The following FLYWCH1 variants were observed in gnomAD, a reference collection of about 807,000 sequenced individuals.
The protein encoded by FLYWCH1 is FLYWCH-type zinc finger 1.
In FLYWCH1, 75 loss-of-function variants were observed where a neutral mutation model predicts 66.4. The observed-to-expected ratio is 1.13, with a 90% CI of 0.94 to 1.37. The LOEUF is 1.37. FLYWCH1 is among the 40% of genes most tolerant of loss of function. The pLI is 0.00. For missense variants in FLYWCH1, 1,334 were observed against 1,001.8 expected, an observed-to-expected ratio of 1.33 and a Z score of -4.48; for synonymous variants, 595 against 429.9, an observed-to-expected ratio of 1.38 and a Z score of -4.75.
chr16:2,917,970 T>C (rs1223178190), intron 2 of FLYWCH1, among the ~76,000 whole-genome samples: 3 of 151,822 alleles, frequency 2.0e-5, no homozygotes, highest in Non-Finnish European at 2.9e-5. Context: ...CCTGAGTAGC[T>C]GGGATTACAG....
At chr16:2,924,340 A>G (rs190971543) in intron 2 of FLYWCH1, among the ~76,000 whole-genome samples, 1 of 151,978 alleles carries the variant, frequency 6.6e-6, no homozygotes. Context: ...CAAAAAAAAA[A>G]AAAAAGTAAA....
Position 2,949,959 on chromosome 16 carries a change from C to G in FLYWCH1, c.*1232C>G, listed in dbSNP as rs1037293852. ...TTACAGTCACCTGGCCCAGACGTAACCTGGACCAAGAGTGGACGGAGACAC... is the reference window on the plus strand; with the variant it reads ...TTACAGTCACCTGGCCCAGACGTAAGCTGGACCAAGAGTGGACGGAGACAC... On this transcript the variant is annotated 3_prime_UTR_variant, in exon 10 of 10. Coordinates refer to ENST00000253928, the MANE Select transcript of FLYWCH1 (RefSeq NM_001308068.2). 5 of 152,222 alleles carry G rather than the reference C, an allele frequency of 3.3e-5. No individual in the cohort carries two copies. Among genetic ancestry groups the G allele is most frequent in the Non-Finnish European group, 7.3e-5 (5 of 68,082 alleles). The allele number at this position is 152,222 out of a possible 1,614,324, so 9.4% of individuals were successfully genotyped here. A position where few individuals can be genotyped will look rare whatever the true frequency, so the allele number is the denominator to read the frequency against.
intron 4 of FLYWCH1, among the ~76,000 whole-genome samples, chr16:2,931,679 A>G (rs1311436635): frequency 6.6e-6 from 1 of 151,976 alleles, no homozygotes; most frequent in Non-Finnish European, 1.5e-5. Context: ...AGTTCAGGAA[A>G]GACACCTAGG....
At chr16:2,920,502 A>G (rs1596356834) in intron 2 of FLYWCH1, among the ~76,000 whole-genome samples, 1 of 140,154 alleles carries the variant, frequency 7.1e-6, no homozygotes, top group African/African-American at 2.7e-5. Flanking sequence ...TGGCCGTGAG[A>G]CTCTGTCTTA....
chr16:2,917,027 G>A (rs1339597374), intron 2 of FLYWCH1, among the ~76,000 whole-genome samples: 17 of 150,284 alleles, frequency 1.1e-4, no homozygotes, highest in East Asian at 4.0e-4. Context: ...GTGGTAGCGC[G>A]CACCTGTAAT....
chr16:2,941,002 A>G (rs1014227573), intron 9 of FLYWCH1, among the ~76,000 whole-genome samples: 1 of 152,212 alleles, frequency 6.6e-6, no homozygotes, highest in Non-Finnish European at 1.5e-5. Context: ...ATGGTGGTAC[A>G]TGCATGTAAT....
chr16:2,933,061 C>G (rs2070827413), intron 4 of FLYWCH1, 69 bp from the exon 5 acceptor site: 12 of 1,387,684 alleles, frequency 8.6e-6, no homozygotes, highest in Non-Finnish European at 1.1e-5. Flanking sequence ...CCCCCACAGT[C>G]TGCAGGGGCT....
At chr16:2,923,391 C>T (rs1344772417) in intron 2 of FLYWCH1, among the ~76,000 whole-genome samples, 1 of 152,284 alleles carries the variant, frequency 6.6e-6, no homozygotes, top group South Asian at 2.1e-4. Flanking sequence ...GGATTACAGG[C>T]GTCCGCCACC....
chr16:2,947,247 G>A (rs564660276), intron 9 of FLYWCH1, among the ~76,000 whole-genome samples: 1 of 152,312 alleles, frequency 6.6e-6, no homozygotes, highest in Non-Finnish European at 1.5e-5. Context: ...ATGTAATTCT[G>A]TTCTTACGAA....
chr16:2,911,957 A>T lies in FLYWCH1; in HGVS notation c.-385A>T, dbSNP rs898420463. 1 of 150,064 alleles carries T rather than the reference A, an allele frequency of 6.7e-6. No homozygotes were observed. The highest frequency in any genetic ancestry group is 1.5e-5 in the Non-Finnish European group (1 of 67,268). 9.3% of individuals were successfully genotyped at this position (150,064 alleles called of 1,614,324 possible). A position where few individuals can be genotyped will look rare whatever the true frequency, so the allele number is the denominator to read the frequency against. On this transcript the variant is annotated 5_prime_UTR_variant, in exon 1 of 10. It adds an upstream start codon to the 5' untranslated region. Coordinates refer to ENST00000253928, the MANE Select transcript of FLYWCH1 (RefSeq NM_001308068.2). Reference sequence around the variant, plus strand: ...AAGTAGCGCGCCTGAGCGTTCCGCAAGGCCGGCTCCCCGGCGGGGTCGCGC... The same window carrying T: ...AAGTAGCGCGCCTGAGCGTTCCGCATGGCCGGCTCCCCGGCGGGGTCGCGC...
rs759073805 is a variant in FLYWCH1, at chr16:2,934,615, G to C, written c.1513+636G>C. The stretch of plus-strand genomic sequence containing the variant: ...ACCTGCTCTTCCTTCACGCCCCAAG[G>C]CGCTGGCCTCTCTTTCCAGTGGCTC... On this transcript the variant is annotated intron_variant, in intron 6 of 9. Coordinates refer to ENST00000253928, the MANE Select transcript of FLYWCH1 (RefSeq NM_001308068.2). The C allele has an allele frequency of 6.6e-6, 3 of 456,702 alleles. 1 individual carries two copies. The highest frequency in any genetic ancestry group is 4.6e-5 in the South Asian group (3 of 64,542). 28.3% of individuals were successfully genotyped at this position (456,702 alleles called of 1,614,324 possible).
intron 2 of FLYWCH1, among the ~76,000 whole-genome samples, chr16:2,917,797 T>G (rs2150890611): frequency 1.3e-5 from 2 of 151,572 alleles, no homozygotes; most frequent in East Asian, 1.9e-4. Context: ...GGCCTCCCTC[T>G]TCCCCTCCCC....
At chr16:2,943,760 ACT>A (rs964257715) in intron 9 of FLYWCH1, among the ~76,000 whole-genome samples, 2 of 151,838 alleles carry the variant, frequency 1.3e-5, no homozygotes, top group Non-Finnish European at 2.9e-5. Context: ...ACATAGTGAA[ACT>A]CTGTCTCTAC....
At chr16:2,938,097 G>C (rs1244864894) in intron 7 of FLYWCH1, 87 bp from the exon 8 acceptor site, 4 of 1,332,256 alleles carry the variant, frequency 3.0e-6, no homozygotes, top group Non-Finnish European at 4.1e-6. Flanking sequence ...ATTCCTGGTG[G>C]GGCCTGGCTG....
chr16:2,936,751 GT>G (rs1567343099), intron 6 of FLYWCH1: 1 of 488,796 alleles, frequency 2.0e-6, no homozygotes, highest in South Asian at 1.5e-5. Flanking sequence ...GAGCAGCTTT[GT>G]CCCCAGAGGG....
At position 2,949,903 on chromosome 16, in the gene FLYWCH1, CA is replaced by C. The variant is rs1034245079; in HGVS notation, c.*1177del. 5.9e-5 allele frequency: 9 copies of C among 152,158 alleles called. No homozygotes were observed. The highest frequency in any genetic ancestry group is 1.4e-4 in the African/African-American group (6 of 41,412). 9.4% of individuals were successfully genotyped at this position (152,158 alleles called of 1,614,324 possible). A position where few individuals can be genotyped will look rare whatever the true frequency, so the allele number is the denominator to read the frequency against. On this transcript the variant is annotated 3_prime_UTR_variant, in exon 10 of 10. Coordinates refer to ENST00000253928, the MANE Select transcript of FLYWCH1 (RefSeq NM_001308068.2). ...TCCGTCACATCTCCATGCCAGTGCC[CA>C]GGGGGAGACCCCTCCCCATGCCTGG...
intron 2 of FLYWCH1, among the ~76,000 whole-genome samples, chr16:2,927,325 C>G (rs949723650): frequency 6.6e-6 from 1 of 152,138 alleles, no homozygotes; most frequent in African/African-American, 2.4e-5. Flanking sequence ...ATTTTACAAT[C>G]GGTACCGGCC....
At chr16:2,942,761 C>G (rs1253819977) in intron 9 of FLYWCH1, among the ~76,000 whole-genome samples, 1 of 103,774 alleles carries the variant, frequency 9.6e-6, no homozygotes, top group East Asian at 2.9e-4. Flanking sequence ...GAGTCTCACT[C>G]TGTCGCCCAG....
intron 2 of FLYWCH1, among the ~76,000 whole-genome samples, chr16:2,926,891 CA>C: frequency 6.6e-6 from 1 of 152,312 alleles, no homozygotes; most frequent in South Asian, 2.1e-4. Flanking sequence ...TGTAACATTA[CA>C]ACCTCAAATG....
Sources: gnomAD v4.1 joint callset for allele counts (sites outside exome capture counted in the v4.1 genomes callset) on GRCh38, gnomAD v4.1.1 for gene constraint, MANE v1.5 for transcripts, NCBI Gene and HGNC (gene_info 2026-07-23, HGNC 2026-07-21) for gene names.